COL22A1: variants seen among roughly 807,000 people sequenced by gnomAD.
COL22A1 encodes the protein collagen alpha-1(XXII) chain.
COL22A1 carries 221 observed loss-of-function variants against 248.9 expected under a neutral mutation model. The ratio of observed to expected loss-of-function variants is 0.89; its 90% CI spans 0.80 to 0.99. COL22A1 has a LOEUF of 0.99. Among genes scored for constraint, COL22A1 ranks in the 50% least tolerant of loss-of-function variants. The pLI, the probability that COL22A1 is intolerant of heterozygous loss-of-function variation, is 0.00. For missense variants in COL22A1, 2,240 were observed against 2,179.0 expected, an observed-to-expected ratio of 1.03 and a Z score of -0.56; for synonymous variants, 891 against 793.4, an observed-to-expected ratio of 1.12 and a Z score of -2.07.
At chr8:138,660,829 TAC>T (rs1823777878) in intron 43 of COL22A1, among the ~76,000 whole-genome samples, 1 of 47,502 alleles carries the variant, frequency 2.1e-5, no homozygotes, top group African/African-American at 8.6e-5. Flanking sequence ...TACACACACA[TAC>T]ACACACAGAC....
intron 12 of COL22A1, among the ~76,000 whole-genome samples, chr8:138,795,943 T>G (rs994319363): frequency 6.6e-6 from 1 of 152,190 alleles, no homozygotes; most frequent in African/African-American, 2.4e-5. Flanking sequence ...CTCTGAGCGA[T>G]GAATGACCTC....
At chr8:138,850,878 A>T (rs1194515671) in intron 3 of COL22A1, among the ~76,000 whole-genome samples, 1 of 152,228 alleles carries the variant, frequency 6.6e-6, no homozygotes, top group Non-Finnish European at 1.5e-5. Context: ...GGAAGTTCTC[A>T]GCATGAAACC....
At chr8:138,701,337 A>G (rs1201701561) in intron 31 of COL22A1, among the ~76,000 whole-genome samples, 1 of 152,174 alleles carries the variant, frequency 6.6e-6, no homozygotes, top group African/African-American at 2.4e-5. Flanking sequence ...TGATCCATGC[A>G]GATGCCTGGG....
At chr8:138,878,719 T>C (rs1025624669) in intron 2 of COL22A1, among the ~76,000 whole-genome samples, 1 of 152,202 alleles carries the variant, frequency 6.6e-6, no homozygotes, top group East Asian at 1.9e-4. Flanking sequence ...GATGTTTAGA[T>C]GTTTTAGGCT....
At chr8:138,707,334 A>C (rs1178751059) in intron 30 of COL22A1, among the ~76,000 whole-genome samples, 1 of 152,208 alleles carries the variant, frequency 6.6e-6, no homozygotes, top group Non-Finnish European at 1.5e-5. Context: ...GACACAACAA[A>C]AAAAGAGAAT....
At chr8:138,896,035 A>T (rs991662164) in intron 1 of COL22A1, among the ~76,000 whole-genome samples, 4 of 152,172 alleles carry the variant, frequency 2.6e-5, no homozygotes, top group Non-Finnish European at 4.4e-5. Context: ...GTCAACCCAC[A>T]ATCTTATATC....
chr8:138,854,624 T>G (rs1055025577), intron 3 of COL22A1, among the ~76,000 whole-genome samples: 3 of 152,186 alleles, frequency 2.0e-5, no homozygotes, highest in Admixed American at 1.3e-4. Context: ...AAATGTCACC[T>G]TTAGAGCCCC....
At chr8:138,692,001 T>C (rs1827019140) in intron 35 of COL22A1, among the ~76,000 whole-genome samples, 1 of 145,224 alleles carries the variant, frequency 6.9e-6, no homozygotes, top group South Asian at 2.3e-4. Context: ...CACGTGCATG[T>C]GTGCATGTTT....
intron 41 of COL22A1, among the ~76,000 whole-genome samples, chr8:138,667,110 G>T (rs1824569023): frequency 6.6e-6 from 1 of 152,192 alleles, no homozygotes; most frequent in South Asian, 2.1e-4. Flanking sequence ...TGCTGAAGAA[G>T]GGGATTATAC....
chr8:138,625,762 G>A (rs572826253), intron 51 of COL22A1, among the ~76,000 whole-genome samples: 81 of 152,258 alleles, frequency 5.3e-4, no homozygotes, highest in South Asian at 1.5e-3. Flanking sequence ...CATCCATTGC[G>A]TCTATTAAAT....
chr8:138,846,082 CATGGAAGGGGTTATT>C (rs1317431258), intron 3 of COL22A1, among the ~76,000 whole-genome samples: 3 of 152,074 alleles, frequency 2.0e-5, no homozygotes, highest in Non-Finnish European at 4.4e-5. Context: ...TGACAAGCAT[CATGGAAGGGGTTATT>C]TTGGAAACAG....
At chr8:138,667,932 C>G (rs1005830954) in intron 41 of COL22A1, among the ~76,000 whole-genome samples, 5 of 151,702 alleles carry the variant, frequency 3.3e-5, no homozygotes, top group African/African-American at 1.2e-4. Flanking sequence ...AGCTGAACCA[C>G]AGAGACAGAG....
At chr8:138,680,614 A>G (rs1587845973) in intron 39 of COL22A1, among the ~76,000 whole-genome samples, 2 of 152,206 alleles carry the variant, frequency 1.3e-5, no homozygotes, top group Admixed American at 6.5e-5. Flanking sequence ...CTTAATTTCA[A>G]TCAGCACCTG....
chr8:138,806,062 G>GATGGTGTGTGTGTGT (rs796503279), intron 10 of COL22A1, among the ~76,000 whole-genome samples: 1 of 96,572 alleles, frequency 1.0e-5, no homozygotes. Context: ...AATGGTGTGT[G>GATGGTGTGTGTGTGT]GTGGTGTGTG....
intron 60 of COL22A1, among the ~76,000 whole-genome samples, chr8:138,599,639 C>T (rs1240765527): frequency 3.9e-5 from 6 of 152,070 alleles, no homozygotes; most frequent in Non-Finnish European, 5.9e-5. Context: ...GTGGGAAGAT[C>T]GCTTGAGGCC....
Position 138,646,610 on chromosome 8 carries a change from G to T in COL22A1, c.3501+19C>A. On this transcript the variant is annotated intron_variant, in intron 47 of 64. Transcript: ENST00000303045. ...TGAGCAGAATAGATCCATGCAGATGGTTATGAAGTCTCACTGACCTGTGGT... is the reference window on the plus strand; with the variant it reads ...TGAGCAGAATAGATCCATGCAGATGTTTATGAAGTCTCACTGACCTGTGGT... The T allele has an allele frequency of 1.3e-6, 2 of 1,566,056 alleles. No individual in the cohort carries two copies. Among genetic ancestry groups the T allele is most frequent in the Non-Finnish European group, 1.7e-6 (2 of 1,152,178 alleles).
intron 1 of COL22A1, among the ~76,000 whole-genome samples, chr8:138,912,968 G>A (rs1438061243): frequency 6.6e-6 from 1 of 152,082 alleles, no homozygotes; most frequent in Non-Finnish European, 1.5e-5. Context: ...AATTCAAATC[G>A]TGCTCAATAA....
At chr8:138,721,969 A>G in intron 26 of COL22A1, 67 bp downstream of exon 26, 1 of 1,223,232 alleles carries the variant, frequency 8.2e-7, no homozygotes, top group Non-Finnish European at 1.2e-6. Flanking sequence ...TTCACCAACA[A>G]TCAAGCATCT....
In COL22A1 at chr8:138,720,778, T is replaced by G. The variant is rs1450659873; in HGVS notation, c.2316A>C (p.Glu772Asp). ...TTCCAGGCAGACCATCTTCCCCTCT[T>G]TCTCCTGGTTCTCCCTGGAAGGAAT... ...GPPGTKGEPG[E>D]RGEDGLPGKP... Residue 772 changes from glutamate (E) to aspartate (D), a missense_variant, in exon 27 of 65, where the codon GAA becomes GAC. Transcript: ENST00000303045. The G allele has an allele frequency of 3.7e-6, 6 of 1,613,662 alleles. No homozygotes were observed. In the South Asian group the frequency reaches 6.6e-5, roughly 18 times the overall value.
Sources: allele counts gnomAD v4.1 joint callset (sites outside exome capture counted in the v4.1 genomes callset), GRCh38; gene constraint gnomAD v4.1.1; transcripts MANE v1.5; gene names NCBI Gene and HGNC (gene_info 2026-07-23, HGNC 2026-07-21).